The following PTK2 variants were observed in gnomAD, a reference collection of about 807,000 sequenced individuals.
PTK2 encodes focal adhesion kinase 1.
In PTK2, 45 loss-of-function variants were observed where a neutral mutation model predicts 150.1. That is an observed-to-expected ratio of 0.30 (90% confidence interval 0.24 to 0.38). The LOEUF is 0.38. Ranked by LOEUF, PTK2 falls within the 10% of genes least tolerant of loss-of-function variation. The pLI is 1.00. For missense variants in PTK2, 919 were observed against 1,307.3 expected (o/e 0.70, Z 4.58); for synonymous variants, 432 against 449.2 (o/e 0.96, Z 0.48).
chr8:140,944,315 G>T (rs2100176900), intron 1 of PTK2, among the ~76,000 whole-genome samples: 1 of 152,296 alleles, frequency 6.6e-6, no homozygotes, highest in East Asian at 1.9e-4. Flanking sequence ...CATTTTAAAA[G>T]GAAGTACAAT....
intron 5 of PTK2, among the ~76,000 whole-genome samples, chr8:140,848,744 G>A (rs749364377): frequency 6.6e-6 from 1 of 151,810 alleles, no homozygotes; most frequent in African/African-American, 2.4e-5. Flanking sequence ...GTTTATTATC[G>A]AGCACAAAAA....
At chr8:140,804,680 T>A (rs2100097293) in intron 10 of PTK2, among the ~76,000 whole-genome samples, 2 of 152,210 alleles carry the variant, frequency 1.3e-5, no homozygotes, top group South Asian at 4.1e-4. Flanking sequence ...TAATGCCCCT[T>A]CCCATTGCAT....
intron 26 of PTK2, among the ~76,000 whole-genome samples, chr8:140,699,827 G>T (rs1281561700): frequency 6.6e-6 from 1 of 151,428 alleles, no homozygotes; most frequent in Non-Finnish European, 1.5e-5. Flanking sequence ...TTTTCCTTAG[G>T]AGACAGAGTC....
chr8:140,677,809 A>G (rs1385101482), intron 27 of PTK2, among the ~76,000 whole-genome samples: 1 of 152,234 alleles, frequency 6.6e-6, no homozygotes, highest in Non-Finnish European at 1.5e-5. Flanking sequence ...TATCACTATC[A>G]TATCATTCAT....
intron 1 of PTK2, among the ~76,000 whole-genome samples, chr8:140,993,044 A>G (rs568561955): frequency 1.3e-5 from 2 of 152,338 alleles, no homozygotes; most frequent in East Asian, 3.9e-4. Flanking sequence ...ACAATTTTCC[A>G]TGTCTTCAGA....
intron 1 of PTK2, among the ~76,000 whole-genome samples, chr8:140,950,480 G>A (rs572038038): frequency 7.2e-5 from 11 of 152,244 alleles, no homozygotes; most frequent in African/African-American, 1.9e-4. Context: ...TACAGCAGCT[G>A]GCTGTGCAAG....
intron 2 of PTK2, among the ~76,000 whole-genome samples, chr8:140,892,325 A>G (rs2100154530): frequency 6.6e-6 from 1 of 152,208 alleles, no homozygotes; most frequent in Non-Finnish European, 1.5e-5. Flanking sequence ...GCTTGAGCCC[A>G]AAGGTTCAAG....
chr8:140,859,428 T>C (rs1015098908), intron 5 of PTK2, among the ~76,000 whole-genome samples: 3 of 152,288 alleles, frequency 2.0e-5, no homozygotes, highest in East Asian at 1.9e-4. Context: ...TCAGATATTA[T>C]AGAATCTACA....
chr8:140,961,032 C>A (rs1302662980), intron 1 of PTK2, among the ~76,000 whole-genome samples: 1 of 152,148 alleles, frequency 6.6e-6, no homozygotes, highest in Non-Finnish European at 1.5e-5. Context: ...TGGAAATGTA[C>A]TTTAAAGTCA....
intron 2 of PTK2, among the ~76,000 whole-genome samples, chr8:140,893,060 G>A (rs560255471): frequency 1.3e-5 from 2 of 152,362 alleles, no homozygotes; most frequent in East Asian, 3.9e-4. Context: ...GGGCATAGTG[G>A]CTCATGCCTG....
At chr8:140,916,522 G>A (rs367920186) in intron 2 of PTK2, among the ~76,000 whole-genome samples, 1 of 152,050 alleles carries the variant, frequency 6.6e-6, no homozygotes, top group African/African-American at 2.4e-5. Flanking sequence ...TTTCAATGCA[G>A]TCTACACATA....
At chr8:140,830,380 T>C (rs1337083473) in intron 8 of PTK2, 92 bp downstream of exon 8, 2 of 773,700 alleles carry the variant, frequency 2.6e-6, no homozygotes, top group Non-Finnish European at 4.1e-6. Context: ...GGAAGGAAAC[T>C]ACATTTTACT....
intron 1 of PTK2, among the ~76,000 whole-genome samples, chr8:140,930,859 A>G (rs997312469): frequency 6.6e-5 from 10 of 152,128 alleles, no homozygotes; most frequent in Non-Finnish European, 1.2e-4. Context: ...AGATCACTTG[A>G]GGCCAGAAGT....
intron 8 of PTK2, among the ~76,000 whole-genome samples, chr8:140,829,922 CA>C (rs1349525317): frequency 1.3e-5 from 2 of 152,160 alleles, no homozygotes; most frequent in Non-Finnish European, 2.9e-5. Flanking sequence ...CTGGGGGAAT[CA>C]CACATTCAGA....
At chr8:140,814,313 A>G (rs541416310) in intron 10 of PTK2, among the ~76,000 whole-genome samples, 15 of 152,332 alleles carry the variant, frequency 9.8e-5, no homozygotes, top group Admixed American at 4.6e-4. Context: ...ATGAAGCCAG[A>G]ATTATTCTGA....
intron 16 of PTK2, among the ~76,000 whole-genome samples, chr8:140,760,785 T>C (rs1022935668): frequency 6.6e-6 from 1 of 152,216 alleles, no homozygotes; most frequent in Non-Finnish European, 1.5e-5. Context: ...AATTTATTCA[T>C]CTTTTTTGGA....
intron 1 of PTK2, among the ~76,000 whole-genome samples, chr8:140,967,658 C>A (rs2100185780): frequency 6.6e-6 from 1 of 152,076 alleles, no homozygotes; most frequent in Admixed American, 6.6e-5. Flanking sequence ...CAGGGTTTCA[C>A]CATGTTGGCC....
At chr8:140,906,062 G>A (rs927750138) in intron 2 of PTK2, among the ~76,000 whole-genome samples, 3 of 149,276 alleles carry the variant, frequency 2.0e-5, no homozygotes, top group Non-Finnish European at 4.5e-5. Context: ...CACAAGATCT[G>A]AAAGACATTT....
intron 14 of PTK2, among the ~76,000 whole-genome samples, chr8:140,764,694 G>A (rs1358003223): frequency 1.3e-5 from 2 of 152,098 alleles, no homozygotes; most frequent in Non-Finnish European, 2.9e-5. Context: ...TATAAAACAC[G>A]GTATCTGATT....
Sources: allele counts gnomAD v4.1 joint callset (sites outside exome capture counted in the v4.1 genomes callset), GRCh38; gene constraint gnomAD v4.1.1; transcripts MANE v1.5; gene names NCBI Gene and HGNC (gene_info 2026-07-23, HGNC 2026-07-21).